Variants in RAP1A observed in about 807,000 individuals in gnomAD.
RAP1A encodes RAP1A, member of RAS oncogene family.
Under a neutral mutation model 26.4 loss-of-function variants are expected in RAP1A, and 6 were observed. The ratio of observed to expected loss-of-function variants is 0.23; its 90% CI spans 0.12 to 0.45. The LOEUF is 0.45. Ranked by LOEUF, RAP1A falls within the 20% of genes least tolerant of loss-of-function variation. The pLI, the probability that RAP1A is intolerant of heterozygous loss-of-function variation, is 0.99. For missense variants in RAP1A, 121 were observed against 217.2 expected (o/e 0.56, Z 2.78); for synonymous variants, 73 against 79.4 (o/e 0.92, Z 0.43).
chr1:111,558,820 C>T (rs1262208480), intron 1 of RAP1A, among the ~76,000 whole-genome samples: 1 of 152,094 alleles, frequency 6.6e-6, no homozygotes, highest in Non-Finnish European at 1.5e-5. Context: ...TCTAGCATAC[C>T]TCTTTCAGTA....
intron 1 of RAP1A, among the ~76,000 whole-genome samples, chr1:111,547,087 G>T (rs1333877949): frequency 6.6e-6 from 1 of 152,056 alleles, no homozygotes; most frequent in African/African-American, 2.4e-5. Context: ...CTAATATATA[G>T]AAATACAACT....
chr1:111,542,246 C>A, exon 1 of RAP1A: 2 of 607,466 alleles, frequency 3.3e-6, no homozygotes, highest in Non-Finnish European at 6.1e-6. Flanking sequence ...GAAACACTGG[C>A]GGCACATATT....
chr1:111,704,279 A>AT, intron 5 of RAP1A, 64 bp from the exon 6 acceptor site: 2 of 1,508,744 alleles, frequency 1.3e-6, no homozygotes, highest in East Asian at 2.4e-5. Flanking sequence ...TTGCTTATTT[A>AT]TTTTTTTAAA....
At chr1:111,625,237 T>G (rs1659358216) in intron 1 of RAP1A, among the ~76,000 whole-genome samples, 1 of 152,202 alleles carries the variant, frequency 6.6e-6, no homozygotes, top group Non-Finnish European at 1.5e-5. Context: ...TGCAGTGCAG[T>G]GCTGTACCCA....
chr1:111,671,320 T>C (rs1382245151), intron 1 of RAP1A, among the ~76,000 whole-genome samples: 3 of 152,196 alleles, frequency 2.0e-5, no homozygotes, highest in Non-Finnish European at 4.4e-5. Context: ...TATCTAGATA[T>C]GTTTTTAGAG....
chr1:111,596,470 C>T (rs916761593), intron 1 of RAP1A, among the ~76,000 whole-genome samples: 2 of 152,176 alleles, frequency 1.3e-5, no homozygotes, highest in African/African-American at 4.8e-5. Flanking sequence ...TCTGTTTTCC[C>T]ACTAGACTTG....
intron 1 of RAP1A, among the ~76,000 whole-genome samples, chr1:111,580,590 T>C (rs1658235986): frequency 6.6e-6 from 1 of 152,202 alleles, no homozygotes; most frequent in African/African-American, 2.4e-5. Context: ...GGCTCAAGCC[T>C]GTAATCCCAG....
chr1:111,689,535 A>T (rs1356632182), intron 1 of RAP1A, among the ~76,000 whole-genome samples: 1 of 138,538 alleles, frequency 7.2e-6, no homozygotes, highest in Non-Finnish European at 1.6e-5. Flanking sequence ...TTCTTATTAT[A>T]TGTGTGCCAT....
At chr1:111,681,441 T>C (rs146058670) in intron 1 of RAP1A, among the ~76,000 whole-genome samples, 6 of 152,316 alleles carry the variant, frequency 3.9e-5, no homozygotes, top group African/African-American at 1.4e-4. Flanking sequence ...GCAAGGAAGC[T>C]AAGAACCTTG....
chr1:111,583,876 C>CTTTTTTTTTTT (rs71099920), intron 1 of RAP1A, among the ~76,000 whole-genome samples: 1 of 90,114 alleles, frequency 1.1e-5, no homozygotes, highest in African/African-American at 3.8e-5. Context: ...ATTGTTATTT[C>CTTTTTTTTTTT]TTTTTTTTTT....
intron 1 of RAP1A, among the ~76,000 whole-genome samples, chr1:111,635,831 C>G (rs1286928936): frequency 2.0e-5 from 3 of 152,044 alleles, no homozygotes; most frequent in African/African-American, 7.3e-5. Flanking sequence ...CCTCAGCCTC[C>G]CAAAGTGTTG....
At chr1:111,657,702 A>G (rs1306288001) in intron 1 of RAP1A, among the ~76,000 whole-genome samples, 1 of 152,164 alleles carries the variant, frequency 6.6e-6, no homozygotes, top group Non-Finnish European at 1.5e-5. Context: ...CATTTATTGA[A>G]AAGACCATCC....
At chr1:111,681,409 A>G (rs1407580640) in intron 1 of RAP1A, among the ~76,000 whole-genome samples, 1 of 152,210 alleles carries the variant, frequency 6.6e-6, no homozygotes, top group Non-Finnish European at 1.5e-5. Context: ...CTTCCAAGCT[A>G]AAGTGCATGT....
chr1:111,584,757 G>A (rs1258229317), intron 1 of RAP1A, among the ~76,000 whole-genome samples: 1 of 152,098 alleles, frequency 6.6e-6, no homozygotes, highest in Non-Finnish European at 1.5e-5. Flanking sequence ...TGTGGCCGGT[G>A]ACCAGAATGC....
chr1:111,656,720 C>G (rs531434648), intron 1 of RAP1A, among the ~76,000 whole-genome samples: 4 of 152,016 alleles, frequency 2.6e-5, no homozygotes, highest in African/African-American at 4.8e-5. Context: ...ATGGTTCCCC[C>G]CCGCCACTGC....
intron 1 of RAP1A, chr1:111,649,178 C>A: frequency 1.9e-6 from 1 of 534,328 alleles, no homozygotes; most frequent in Non-Finnish European, 3.7e-6. Flanking sequence ...CTCTCACGTC[C>A]TCGATGGTCT....
chr1:111,618,631 A>G (rs1659065290), upstream of RAP1A, among the ~76,000 whole-genome samples: 1 of 152,194 alleles, frequency 6.6e-6, no homozygotes, highest in Non-Finnish European at 1.5e-5. Context: ...TATAACAGAC[A>G]CCTTAAACAT....
chr1:111,557,383 C>T (rs1014459105), intron 1 of RAP1A, among the ~76,000 whole-genome samples: 3 of 151,876 alleles, frequency 2.0e-5, no homozygotes, highest in African/African-American at 4.8e-5. Context: ...CCTGTCTCTA[C>T]TAAAAATACA....
chr1:111,611,607 C>T (rs1658927902), intron 1 of RAP1A, among the ~76,000 whole-genome samples: 1 of 152,048 alleles, frequency 6.6e-6, no homozygotes, highest in South Asian at 2.1e-4. Context: ...ATTATTTAAC[C>T]TTCACAACAA....
Sources: gnomAD v4.1 joint callset for allele counts (sites outside exome capture counted in the v4.1 genomes callset) on GRCh38, gnomAD v4.1.1 for gene constraint, MANE v1.5 for transcripts, NCBI Gene and HGNC (gene_info 2026-07-23, HGNC 2026-07-21) for gene names.